ZSCAN25: variants seen among roughly 807,000 people sequenced by gnomAD.
ZSCAN25 encodes the protein zinc finger and SCAN domain containing 25, also known as zinc finger and SCAN domain-containing protein 25.
ZSCAN25 carries 27 observed loss-of-function variants against 38.7 expected under a neutral mutation model. That is an observed-to-expected ratio of 0.70 (90% CI 0.51 to 0.96). ZSCAN25 has a LOEUF of 0.96. ZSCAN25 is among the 40% of genes least tolerant of loss of function. ZSCAN25 has a pLI of 0.00. For missense variants in ZSCAN25, 637 were observed against 705.9 expected (o/e 0.90, Z 1.11); for synonymous variants, 273 against 277.7 (o/e 0.98, Z 0.17).
At chr7:99,618,322 A>G (rs1806646664) in intron 1 of ZSCAN25, 2 of 151,736 alleles carry the variant, frequency 1.3e-5, no homozygotes, top group Non-Finnish European at 1.5e-5. Flanking sequence ...AATCTGTACC[A>G]TGTATTTTGG....
rs1453866629 is a variant in ZSCAN25, at chr7:99,630,208, T to C, written c.*188T>C. 1 of 1,375,864 alleles carries C rather than the reference T, an allele frequency of 7.3e-7. No individual in the cohort carries two copies. The highest frequency in any genetic ancestry group is 9.3e-7 in the Non-Finnish European group (1 of 1,070,748). 85.2% of individuals were successfully genotyped at this position (1,375,864 alleles called of 1,614,324 possible). ...TAGCTGCTTCCATCTCTTACCCAAGTGGTGCTAAACAATTTTTCTTCCAAT... is the reference window on the plus strand; with the variant it reads ...TAGCTGCTTCCATCTCTTACCCAAGCGGTGCTAAACAATTTTTCTTCCAAT... On this transcript the variant is annotated 3_prime_UTR_variant, in exon 8 of 8. Coordinates refer to ENST00000394152, the MANE Select transcript of ZSCAN25 (RefSeq NM_145115.3).
In ZSCAN25 at chr7:99,630,001, A is replaced by G. The variant is rs1380044648; in HGVS notation, c.1616A>G (p.Gln539Arg). Residue 539 changes from glutamine to arginine, a missense_variant, in exon 8 of 8, where the codon CAG (glutamine) becomes CGG (arginine). Physicochemically the swap from Gln to Arg is conservative, Grantham distance 43. Coordinates refer to ENST00000394152, the MANE Select transcript of ZSCAN25 (RefSeq NM_145115.3). ...CGGCACCAGAAGACCCAGCACCGCC[A>G]GGAGCCGCTGGTGCAGTGAGCATAG... Reference protein sequence around the residue: ...LNRHQKTQHRQEPLVQ With the variant: ...LNRHQKTQHRREPLVQ The G allele has an allele frequency of 6.4e-7, 1 of 1,572,920 alleles. No individual in the cohort carries two copies. Among genetic ancestry groups the G allele is most frequent in the Non-Finnish European group, 8.6e-7 (1 of 1,159,750 alleles).
At chr7:99,712,542 A>G in the ZSCAN25 span, among the ~76,000 whole-genome samples, 1 of 152,230 alleles carries the variant, frequency 6.6e-6, no homozygotes, top group African/African-American at 2.4e-5. Context: ...TAGATGAAAC[A>G]CTAAAACAGT....
At chr7:99,667,207 C>A in the ZSCAN25 span, 1 of 447,046 alleles carries the variant, frequency 2.2e-6, no homozygotes, top group Non-Finnish European at 3.4e-6. Flanking sequence ...TCAAGATGCT[C>A]AATGGAGATC....
chr7:99,676,132 C>T, the ZSCAN25 span: 1 of 1,613,722 alleles, frequency 6.2e-7, no homozygotes, highest in East Asian at 2.2e-5. Context: ...TAGGACAAAA[C>T]ATTTCCCAAC....
the ZSCAN25 span, chr7:99,671,787 C>T: frequency 2.8e-6 from 2 of 702,310 alleles, no homozygotes; most frequent in East Asian, 2.7e-5. Flanking sequence ...GAGAAAAAGA[C>T]AAACTCCATG....
chr7:99,618,473 C>T (rs1221262380), intron 1 of ZSCAN25, 52 bp from the exon 2 acceptor site: 1 of 152,132 alleles, frequency 6.6e-6, no homozygotes, highest in Non-Finnish European at 1.5e-5. Flanking sequence ...AGTTAGAAAT[C>T]TTTAGGTCAT....
chr7:99,630,562 G>A lies in ZSCAN25; in HGVS notation c.*542G>A, dbSNP rs138489035. The A allele has an allele frequency of 0.018, 18,228 of 988,052 alleles. 185 individuals are homozygous for A. Among genetic ancestry groups the A allele is most frequent in the Middle Eastern group, 0.036 (68 of 1,914 alleles). 61.2% of individuals were successfully genotyped at this position (988,052 alleles called of 1,614,324 possible). On this transcript the variant is annotated 3_prime_UTR_variant, in exon 8 of 8. Coordinates refer to ENST00000394152, the MANE Select transcript of ZSCAN25 (RefSeq NM_145115.3). Reference sequence around the variant, plus strand: ...GGATGCATGCGACAGCCCATGACCCGAGGCATTCTCAGGGTATCTGTGCTG... The same window carrying A: ...GGATGCATGCGACAGCCCATGACCCAAGGCATTCTCAGGGTATCTGTGCTG...
At chr7:99,730,303 A>T in the ZSCAN25 span, among the ~76,000 whole-genome samples, 1 of 152,228 alleles carries the variant, frequency 6.6e-6, no homozygotes, top group Admixed American at 6.5e-5. Context: ...TGTAAAAAAT[A>T]AACCCATGAA....
At chr7:99,635,577 T>G (rs189201012), downstream of ZSCAN25, among the ~76,000 whole-genome samples, 1 of 152,050 alleles carries the variant, frequency 6.6e-6, no homozygotes, top group Non-Finnish European at 1.5e-5. Context: ...TCCTTCCCCC[T>G]CCCCCATTTC....
chr7:99,691,524 G>T, the ZSCAN25 span, among the ~76,000 whole-genome samples: 5 of 152,238 alleles, frequency 3.3e-5, no homozygotes, highest in South Asian at 1.0e-3. Context: ...TTATTGTGTG[G>T]AGTCTAAGTC....
downstream of ZSCAN25, among the ~76,000 whole-genome samples, chr7:99,634,130 T>C (rs1808170702): frequency 6.6e-6 from 1 of 152,172 alleles, no homozygotes. Context: ...TGCTGGGTAA[T>C]GAGGGAGGCT....
the ZSCAN25 span, among the ~76,000 whole-genome samples, chr7:99,727,176 G>T: frequency 6.6e-6 from 1 of 152,160 alleles, no homozygotes; most frequent in South Asian, 2.1e-4. Context: ...CACAGCCAAA[G>T]TGCAGGGCTG....
chr7:99,702,525 C>G, the ZSCAN25 span, among the ~76,000 whole-genome samples: 3 of 152,150 alleles, frequency 2.0e-5, no homozygotes, highest in African/African-American at 7.2e-5. Context: ...AGTGTATGTT[C>G]TTGAAAACAT....
the ZSCAN25 span, among the ~76,000 whole-genome samples, chr7:99,733,822 C>T: frequency 7.0e-4 from 107 of 152,318 alleles, no homozygotes; most frequent in African/African-American, 2.5e-3. Flanking sequence ...TACTTTCTAG[C>T]CCTGAGAGTT....
chr7:99,654,231 C>T, the ZSCAN25 span, among the ~76,000 whole-genome samples: 1 of 152,122 alleles, frequency 6.6e-6, no homozygotes, highest in Non-Finnish European at 1.5e-5. Context: ...TCCCTCCCCA[C>T]TCCTCCCACC....
chr7:99,667,385 C>T, the ZSCAN25 span, among the ~76,000 whole-genome samples: 1 of 152,176 alleles, frequency 6.6e-6, no homozygotes, highest in Non-Finnish European at 1.5e-5. Flanking sequence ...CAAGACCTAG[C>T]CCTTCCCCAG....
At chr7:99,726,626 G>T in the ZSCAN25 span, among the ~76,000 whole-genome samples, 23 of 152,146 alleles carry the variant, frequency 1.5e-4, no homozygotes, top group Non-Finnish European at 2.9e-5. Flanking sequence ...GGGCTGTACT[G>T]CCACAAGGCT....
At chr7:99,734,367 C>T in the ZSCAN25 span, among the ~76,000 whole-genome samples, 2 of 152,118 alleles carry the variant, frequency 1.3e-5, no homozygotes, top group East Asian at 1.9e-4. Context: ...TGAGAAGATT[C>T]ACCCTCTTCT....
Sources: allele counts gnomAD v4.1 joint callset (sites outside exome capture counted in the v4.1 genomes callset), GRCh38; gene constraint gnomAD v4.1.1; transcripts MANE v1.5; gene names NCBI Gene and HGNC (gene_info 2026-07-23, HGNC 2026-07-21).